The following OVCH1 variants were observed in gnomAD, a reference collection of about 807,000 sequenced individuals.
OVCH1 encodes the protein ovochymase 1.
OVCH1 carries 139 observed loss-of-function variants against 138.4 expected under a neutral mutation model. The ratio of observed to expected loss-of-function variants is 1.00; its 90% confidence interval spans 0.87 to 1.16. The LOEUF (loss-of-function observed/expected upper bound fraction) is 1.16. Ranked by LOEUF, OVCH1 falls within the 50% of genes most tolerant of loss-of-function variation. The pLI is 0.00. For missense variants in OVCH1, 1,367 were observed against 1,357.9 expected (o/e 1.01, Z -0.11); for synonymous variants, 453 against 467.8 (o/e 0.97, Z 0.41).
intron 27 of OVCH1, among the ~76,000 whole-genome samples, chr12:29,429,795 A>G (rs889578845): frequency 2.0e-5 from 3 of 152,236 alleles, no homozygotes; most frequent in Non-Finnish European, 2.9e-5. Context: ...AAAATATACA[A>G]TAATCAAAAA....
chr12:29,455,118 T>C, intron 20 of OVCH1, 131 bp downstream of exon 20: 1 of 1,212,644 alleles, frequency 8.2e-7, no homozygotes, highest in Non-Finnish European at 1.1e-6. Flanking sequence ...TGCATTTTAG[T>C]GTGTTTAGTA....
intron 26 of OVCH1, among the ~76,000 whole-genome samples, chr12:29,434,398 G>A (rs141058874): frequency 2.0e-5 from 3 of 152,170 alleles, no homozygotes; most frequent in African/African-American, 7.2e-5. Context: ...ACAGAAGTCA[G>A]AATTTTAAAT....
At chr12:29,456,005 G>C (rs558959305) in intron 19 of OVCH1, among the ~76,000 whole-genome samples, 1 of 152,068 alleles carries the variant, frequency 6.6e-6, no homozygotes, top group African/African-American at 2.4e-5. Flanking sequence ...AAAGTTAAAG[G>C]CTGACTTAAA....
chr12:29,477,189 T>A (rs750947613), exon 12 of OVCH1: 12 of 1,613,718 alleles, frequency 7.4e-6, no homozygotes, highest in Middle Eastern at 3.3e-4. Context: ...CAGAGTGATT[T>A]GTCCCTTCTT....
intron 4 of OVCH1, 45 bp from the exon 5 acceptor site, chr12:29,491,237 T>C (rs768958579): frequency 9.7e-6 from 14 of 1,444,442 alleles, no homozygotes; most frequent in Middle Eastern, 1.7e-4. Context: ...AAATACGCCA[T>C]GTTGAATATA....
intron 18 of OVCH1, 111 bp from the exon 19 acceptor site, chr12:29,462,119 A>G (rs1942158096): frequency 8.1e-7 from 1 of 1,227,110 alleles, no homozygotes; most frequent in Admixed American, 2.2e-5. Flanking sequence ...GAAGTCATTC[A>G]GTTTGGCCTG....
At chr12:29,461,609 A>T in intron 19 of OVCH1, 1 of 547,874 alleles carries the variant, frequency 1.8e-6, no homozygotes, top group Non-Finnish European at 3.4e-6. Flanking sequence ...CTGCCTTCTC[A>T]CCAGCTCCTC....
At chr12:29,404,090 A>C in the OVCH1 span, among the ~76,000 whole-genome samples, 47,032 of 152,102 alleles carry the variant, frequency 0.31, 8,582 homozygotes, top group Middle Eastern at 0.52. Flanking sequence ...TCAGCACTGA[A>C]AAGACATTCA....
chr12:29,493,905 A>G (rs1252487093), intron 4 of OVCH1, among the ~76,000 whole-genome samples: 2 of 152,224 alleles, frequency 1.3e-5, no homozygotes. Context: ...ATGGGAATAT[A>G]TTAAACCTGG....
chr12:29,461,213 A>T (rs892847635), intron 19 of OVCH1, among the ~76,000 whole-genome samples: 1 of 152,196 alleles, frequency 6.6e-6, no homozygotes, highest in Non-Finnish European at 1.5e-5. Flanking sequence ...GTAGCCCCAC[A>T]TCCAAACCAG....
chr12:29,475,056 CT>C lies in OVCH1; in HGVS notation c.1600+4del. ...AGTCCTTATTACACAAATGTTTATA[CT>C]CACCTGAGGGCAAAATGGTAAATCT... On this transcript the variant is annotated splice_donor_region_variant and intron_variant, in intron 14 of 27. Coordinates refer to ENST00000318184, the Ensembl canonical transcript of OVCH1. 6.3e-7 allele frequency: 1 copy of C among 1,580,616 alleles called. No individual in the cohort carries two copies. The highest frequency in any genetic ancestry group is 8.6e-7 in the Non-Finnish European group (1 of 1,161,920).
intron 8 of OVCH1, among the ~76,000 whole-genome samples, chr12:29,480,734 C>CA (rs975847810): frequency 1.2e-4 from 14 of 114,098 alleles, no homozygotes; most frequent in Non-Finnish European, 2.2e-4. Context: ...TACCAGAATA[C>CA]AGAGAGGCTT....
chr12:29,444,370 C>T, intron 23 of OVCH1, 90 bp from the exon 24 acceptor site: 2 of 1,317,072 alleles, frequency 1.5e-6, no homozygotes, highest in South Asian at 1.5e-5. Flanking sequence ...AAACAGCTCT[C>T]TTCCCTAATT....
intron 27 of OVCH1, chr12:29,433,609 C>T: frequency 1.2e-6 from 1 of 816,428 alleles, no homozygotes; most frequent in Non-Finnish European, 1.8e-6. Context: ...ATGGCAGGGA[C>T]TGTCTTGTTC....
chr12:29,424,380 A>G (rs912785222), downstream of OVCH1, among the ~76,000 whole-genome samples: 3 of 152,236 alleles, frequency 2.0e-5, no homozygotes, highest in Non-Finnish European at 4.4e-5. Context: ...CATGGGCATC[A>G]TGGCCATCAT....
At position 29,417,460 on chromosome 12, in the gene OVCH1, C is replaced by CAAAA. The variant is rs759067203; in HGVS notation, c.*72-4739_*72-4736dup. The stretch of plus-strand genomic sequence containing the variant: ...CCTGGGTGACAGAAACACTCCGTCT[C>CAAAA]AAAAAAAAAAAAAAAAAAAAAAAAG... On this transcript the variant is annotated intron_variant and NMD_transcript_variant, in intron 3 of 4. Coordinates refer to the OVCH1 transcript ENST00000539117. 3.4e-3 allele frequency among the ~76,000 whole-genome samples: 205 copies of CAAAA among 60,670 alleles called. 7 individuals are homozygous for CAAAA. Among genetic ancestry groups the CAAAA allele is most frequent in the African/African-American group, 0.011 (144 of 13,038 alleles). The allele number at this position is 60,670 out of a possible 152,430, so 39.8% of individuals were successfully genotyped here.
At chr12:29,419,454 ATTT>A (rs5797322) in intron 3 of OVCH1, among the ~76,000 whole-genome samples, 1 of 146,218 alleles carries the variant, frequency 6.8e-6, no homozygotes. Context: ...TGCCCGGCTA[ATTT>A]TTTTTTTTTT....
chr12:29,452,104 C>T (rs1040940701), intron 21 of OVCH1, among the ~76,000 whole-genome samples: 2 of 152,186 alleles, frequency 1.3e-5, no homozygotes, highest in Non-Finnish European at 2.9e-5. Context: ...GGCCCGCTGA[C>T]TCAGCAATCA....
intron 3 of OVCH1, among the ~76,000 whole-genome samples, chr12:29,413,317 C>G (rs1940985056): frequency 6.6e-6 from 1 of 152,172 alleles, no homozygotes; most frequent in African/African-American, 2.4e-5. Context: ...AGATGTGAAG[C>G]TCTTGGTTTC....
Sources: allele counts gnomAD v4.1 joint callset (sites outside exome capture counted in the v4.1 genomes callset), GRCh38; gene constraint gnomAD v4.1.1; transcripts MANE v1.5; gene names NCBI Gene and HGNC (gene_info 2026-07-23, HGNC 2026-07-21).